The following MINDY4 variants were observed in gnomAD, a reference collection of about 807,000 sequenced individuals.
MINDY4 encodes probable ubiquitin carboxyl-terminal hydrolase MINDY-4.
Under a neutral mutation model 87.0 loss-of-function variants are expected in MINDY4, and 68 were observed. The observed-to-expected ratio is 0.78, with a 90% CI of 0.64 to 0.96. The LOEUF (loss-of-function observed/expected upper bound fraction) is 0.96, where lower values mean the gene tolerates loss of function less well. Among genes scored for constraint, MINDY4 ranks in the 40% least tolerant of loss-of-function variants. The probability of loss-of-function intolerance (pLI) is 0.00; values close to 1 mark genes in which losing one functional copy is unlikely to be tolerated. For missense variants in MINDY4, 919 were observed against 928.2 expected, an observed-to-expected ratio of 0.99 and a Z score of 0.13; for synonymous variants, 379 against 363.2, an observed-to-expected ratio of 1.04 and a Z score of -0.50.
At chr7:30,878,830 G>C (rs539713709) in intron 15 of MINDY4, among the ~76,000 whole-genome samples, 1 of 152,236 alleles carries the variant, frequency 6.6e-6, no homozygotes, top group Non-Finnish European at 1.5e-5. Context: ...ACTCAACCAG[G>C]AGCACGTCCT....
chr7:30,829,119 A>G (rs1788616925), intron 6 of MINDY4, among the ~76,000 whole-genome samples: 1 of 152,214 alleles, frequency 6.6e-6, no homozygotes, highest in Non-Finnish European at 1.5e-5. Context: ...CCTTTTTAAA[A>G]GTTTATCAGT....
At position 30,859,329 on chromosome 7, in the gene MINDY4, G is replaced by A. The variant is rs1372785018; in HGVS notation, c.1745+5G>A. 2 of 1,613,746 alleles carry A rather than the reference G, an allele frequency of 1.2e-6. No individual in the cohort carries two copies. Among genetic ancestry groups the A allele is most frequent in the African/African-American group, 2.7e-5 (2 of 74,904 alleles). On this transcript the variant is annotated splice_donor_5th_base_variant and intron_variant, in intron 13 of 17. Coordinates refer to ENST00000265299, the MANE Select transcript of MINDY4 (RefSeq NM_032222.3). The stretch of plus-strand genomic sequence containing the variant: ...CCTGTCCAGGTCTACAGAGCTGTGA[G>A]TATCTTTCTCCCTCAACTCCCTGGG...
At chr7:30,883,489 G>A (rs1790534620) in intron 17 of MINDY4, among the ~76,000 whole-genome samples, 1 of 152,216 alleles carries the variant, frequency 6.6e-6, no homozygotes. Context: ...ACTGAGCAGT[G>A]TGCCTCTGGC....
chr7:30,872,772 G>T (rs1790144494), intron 14 of MINDY4, among the ~76,000 whole-genome samples: 1 of 152,200 alleles, frequency 6.6e-6, no homozygotes, highest in Non-Finnish European at 1.5e-5. Context: ...GACCTCACAG[G>T]GGCAAAGAAG....
chr7:30,796,737 T>G (rs1333503013), intron 5 of MINDY4: 1 of 152,152 alleles, frequency 6.6e-6, no homozygotes, highest in Non-Finnish European at 1.5e-5. Context: ...AGTTAATGTT[T>G]AAAGCTTTCT....
At chr7:30,772,423 T>C (rs1412152050) in intron 1 of MINDY4, among the ~76,000 whole-genome samples, 1 of 152,220 alleles carries the variant, frequency 6.6e-6, no homozygotes, top group Non-Finnish European at 1.5e-5. Flanking sequence ...AGTGTGAACC[T>C]CAGTACTTTA....
intron 9 of MINDY4, among the ~76,000 whole-genome samples, chr7:30,841,723 A>C (rs1485444649): frequency 6.6e-6 from 1 of 152,132 alleles, no homozygotes; most frequent in Non-Finnish European, 1.5e-5. Flanking sequence ...AAAACCGCAC[A>C]CCCATGAACA....
intron 12 of MINDY4, chr7:30,859,023 C>T: frequency 1.4e-6 from 1 of 708,208 alleles, no homozygotes; most frequent in Non-Finnish European, 2.6e-6. Context: ...GTCACTGATG[C>T]TCTCTTTGGT....
chr7:30,837,572 C>G (rs1788897856), intron 7 of MINDY4, among the ~76,000 whole-genome samples: 1 of 152,192 alleles, frequency 6.6e-6, no homozygotes, highest in Non-Finnish European at 1.5e-5. Flanking sequence ...CTTCCATTCT[C>G]TCTTTTGAAG....
chr7:30,852,604 A>G (rs1311038332), intron 11 of MINDY4, among the ~76,000 whole-genome samples: 3 of 114,208 alleles, frequency 2.6e-5, no homozygotes, highest in African/African-American at 1.0e-4. Context: ...CATCTGCTCC[A>G]GGATTGTTGT....
intron 3 of MINDY4, among the ~76,000 whole-genome samples, chr7:30,784,996 C>T (rs1208344670): frequency 2.0e-5 from 3 of 152,042 alleles, no homozygotes; most frequent in African/African-American, 7.2e-5. Flanking sequence ...TCCCCTTTGC[C>T]TAGGTCTCTC....
chr7:30,778,609 G>A (rs1387210611), intron 2 of MINDY4, 58 bp downstream of exon 2: 31 of 1,594,528 alleles, frequency 1.9e-5, no homozygotes, highest in Non-Finnish European at 2.6e-5. Flanking sequence ...CACTGCCAAA[G>A]CACTCATGGG....
chr7:30,788,638 C>G (rs780642230), intron 4 of MINDY4, among the ~76,000 whole-genome samples: 4 of 152,164 alleles, frequency 2.6e-5, no homozygotes, highest in Non-Finnish European at 5.9e-5. Flanking sequence ...CTATTTGTTT[C>G]CCTTGAGGTG....
intron 5 of MINDY4, among the ~76,000 whole-genome samples, chr7:30,807,061 T>C (rs1787832309): frequency 6.6e-6 from 1 of 152,228 alleles, no homozygotes; most frequent in Non-Finnish European, 1.5e-5. Flanking sequence ...TAAATAAAAT[T>C]TCTTTTGAAT....
intron 13 of MINDY4, among the ~76,000 whole-genome samples, chr7:30,866,412 C>T (rs954749520): frequency 3.3e-5 from 5 of 152,172 alleles, no homozygotes; most frequent in Admixed American, 6.5e-5. Flanking sequence ...AGCTGTTCAC[C>T]AGGGCCTTTC....
At position 30,785,765 on chromosome 7, in the gene MINDY4, G is replaced by C. The variant is rs745770834; in HGVS notation, c.436G>C (p.Gly146Arg). Reference protein sequence around the residue: ...TSKARHDNLDGDVLGNFVSSK... With the variant: ...TSKARHDNLDRDVLGNFVSSK... ...TTTTCACAGACATGACAATCTTGAT[G>C]GAGATGTACTTGGTAATTTTGTATC... The change falls in exon 4 of 18, where the codon GGA becomes CGA. Residue 146 changes from glycine to arginine, a missense_variant. Physicochemically the swap from Gly to Arg is moderately radical, Grantham distance 125. Coordinates refer to ENST00000265299, the MANE Select transcript of MINDY4 (RefSeq NM_032222.3). 3.1e-6 allele frequency: 5 copies of C among 1,614,202 alleles called. No homozygotes were observed. Among genetic ancestry groups the C allele is most frequent in the Admixed American group, 3.3e-5 (2 of 60,032 alleles).
At chr7:30,882,068 G>A (rs946477274) in intron 15 of MINDY4, 113 bp from the exon 16 acceptor site, 17 of 1,056,626 alleles carry the variant, frequency 1.6e-5, no homozygotes, top group Admixed American at 4.5e-5. Context: ...AGACACAAAC[G>A]TGATCTTCAG....
At position 30,870,741 on chromosome 7, in the gene MINDY4, A is replaced by T. The variant is rs192946956; in HGVS notation, c.1746-1502A>T. Reference sequence around the variant, plus strand: ...GATCTTAGATTTAAAGCATACATTGAGACCAAGTTTATCTTCTCCTCTACT... The same window carrying T: ...GATCTTAGATTTAAAGCATACATTGTGACCAAGTTTATCTTCTCCTCTACT... On this transcript the variant is annotated intron_variant, in intron 13 of 17. Coordinates refer to ENST00000265299, the MANE Select transcript of MINDY4 (RefSeq NM_032222.3). Among the ~76,000 whole-genome samples, 276 of 152,378 alleles carry T rather than the reference A, an allele frequency of 1.8e-3. 2 individuals carry two copies. In the Middle Eastern group the frequency reaches 0.02, roughly 11 times the overall value.
chr7:30,889,176 CA>C (rs1426616612), intron 17 of MINDY4, among the ~76,000 whole-genome samples: 2 of 152,190 alleles, frequency 1.3e-5, no homozygotes, highest in Admixed American at 1.3e-4. Flanking sequence ...TGCTTGCCCA[CA>C]AATCTTAATA....
Sources: gnomAD v4.1 joint callset for allele counts (sites outside exome capture counted in the v4.1 genomes callset) on GRCh38, gnomAD v4.1.1 for gene constraint, MANE v1.5 for transcripts, NCBI Gene and HGNC (gene_info 2026-07-23, HGNC 2026-07-21) for gene names.